PPP2CA: variants seen among roughly 807,000 people sequenced by gnomAD.
PPP2CA encodes the protein protein phosphatase 2 catalytic subunit alpha.
In PPP2CA, 5 loss-of-function variants were observed where a neutral mutation model predicts 38.8. The observed-to-expected ratio is 0.13, with a 90% CI of 0.07 to 0.27. The LOEUF (loss-of-function observed/expected upper bound fraction) is 0.27. PPP2CA is among the 10% of genes least tolerant of loss of function. The pLI, the probability that PPP2CA is intolerant of heterozygous loss-of-function variation, is 1.00. For missense variants in PPP2CA, 88 were observed against 389.7 expected, an observed-to-expected ratio of 0.23 and a Z score of 6.52; for synonymous variants, 152 against 134.0, an observed-to-expected ratio of 1.13 and a Z score of -0.93.
rs1761823993 is a variant in PPP2CA at position 134,195,251 on chromosome 5, A to T, written c.*2521T>A. 1 of 152,218 alleles carries T rather than the reference A, an allele frequency of 6.6e-6. No homozygotes were observed. Among genetic ancestry groups the T allele is most frequent in the Non-Finnish European group, 1.5e-5 (1 of 68,048 alleles). 9.4% of individuals were successfully genotyped at this position (152,218 alleles called of 1,614,324 possible). A position where few individuals can be genotyped will look rare whatever the true frequency, so the allele number is the denominator to read the frequency against. ...CTGCAAGCCCTCACTATACAAACTC[A>T]GAATCCTCTTTATTTTTGAGACAGG... is the stretch of plus-strand genomic sequence containing the variant. On this transcript the variant is annotated 3_prime_UTR_variant, in exon 7 of 7. Transcript: ENST00000481195.
Position 134,225,963 on chromosome 5 carries a change from C to T in PPP2CA, c.-102G>A. The T allele has an allele frequency of 8.8e-7, 1 of 1,132,182 alleles. No homozygotes were observed. The allele number at this position is 1,132,182 out of a possible 1,614,324, so 70.1% of individuals were successfully genotyped here. On this transcript the variant is annotated 5_prime_UTR_variant, in exon 1 of 7. Coordinates refer to ENST00000481195, the MANE Select transcript of PPP2CA (RefSeq NM_002715.4). ...GCCGCCGCCGGTTCCTCGTGTACTT[C>T]TGGCGGCTGTTGAGGCTGGCGCTGG...
chr5:134,222,001 A>G (rs62379434), intron 1 of PPP2CA, among the ~76,000 whole-genome samples: 1 of 151,806 alleles, frequency 6.6e-6, no homozygotes, highest in Non-Finnish European at 1.5e-5. Context: ...TTATTTTATG[A>G]AAGTGTTGAC....
At chr5:134,224,237 C>A (rs10044929) in intron 1 of PPP2CA, 2 of 453,282 alleles carry the variant, frequency 4.4e-6, no homozygotes, top group Non-Finnish European at 8.8e-6. Flanking sequence ...CAATTTTAAA[C>A]CTTTAAAATA....
intron 1 of PPP2CA, among the ~76,000 whole-genome samples, chr5:134,209,237 A>C (rs1762147680): frequency 6.6e-6 from 1 of 151,718 alleles, no homozygotes; most frequent in South Asian, 2.1e-4. Flanking sequence ...TGGCGATAAC[A>C]GTGGTATACA....
At chr5:134,221,206 G>A (rs1374647627) in intron 1 of PPP2CA, among the ~76,000 whole-genome samples, 1 of 152,126 alleles carries the variant, frequency 6.6e-6, no homozygotes, top group Non-Finnish European at 1.5e-5. Flanking sequence ...CCGCCTCCCA[G>A]GTTCAAGCAA....
chr5:134,204,986 G>C (rs941069869), intron 2 of PPP2CA, among the ~76,000 whole-genome samples: 2 of 140,976 alleles, frequency 1.4e-5, no homozygotes, highest in African/African-American at 5.3e-5. Flanking sequence ...AAGTTAGAGT[G>C]TAGGGTGGCA....
rs1043501334 is a variant in PPP2CA at position 134,195,379 on chromosome 5, T to C, written c.*2393A>G. Reference sequence around the variant, plus strand: ...GATCCTCTCACCTCAGCCTCCCAAGTAGCTGGGACTATGGTATGCCACCAA... The same window carrying C: ...GATCCTCTCACCTCAGCCTCCCAAGCAGCTGGGACTATGGTATGCCACCAA... On this transcript the variant is annotated 3_prime_UTR_variant, in exon 7 of 7. Transcript: ENST00000481195. 5 of 152,190 alleles carry C rather than the reference T, an allele frequency of 3.3e-5. No individual in the cohort carries two copies. The highest frequency in any genetic ancestry group is 1.2e-4 in the African/African-American group (5 of 41,414). The allele number at this position is 152,190 out of a possible 1,614,324, so 9.4% of individuals were successfully genotyped here.
intron 1 of PPP2CA, among the ~76,000 whole-genome samples, chr5:134,216,357 C>T (rs1762319453): frequency 6.6e-6 from 1 of 151,078 alleles, no homozygotes; most frequent in Non-Finnish European, 1.5e-5. Context: ...GGCAACATGG[C>T]GAAACACCCC....
intron 4 of PPP2CA, 78 bp downstream of exon 4, chr5:134,200,907 C>T: frequency 8.7e-7 from 1 of 1,155,464 alleles, no homozygotes; most frequent in Non-Finnish European, 1.3e-6. Flanking sequence ...TGAGAGAATA[C>T]ATCTAATGAA....
chr5:134,213,490 A>T (rs1762251855), intron 1 of PPP2CA, among the ~76,000 whole-genome samples: 1 of 152,140 alleles, frequency 6.6e-6, no homozygotes, highest in Non-Finnish European at 1.5e-5. Flanking sequence ...TCTCTACAAA[A>T]AAATTAAAAT....
rs946549516 is a variant in PPP2CA at position 134,194,439 on chromosome 5, C to G, written c.*3333G>C. 1 of 152,162 alleles carries G rather than the reference C, an allele frequency of 6.6e-6. No individual in the cohort carries two copies. The highest frequency in any genetic ancestry group is 2.4e-5 in the African/African-American group (1 of 41,444). 9.4% of individuals were successfully genotyped at this position (152,162 alleles called of 1,614,324 possible). ...ACTATAGGTTACTAAACTATAGGCC[C>G]ATTTCTAAGAACACATTTATGGTTG... On this transcript the variant is annotated 3_prime_UTR_variant, in exon 7 of 7. Coordinates refer to ENST00000481195, the MANE Select transcript of PPP2CA (RefSeq NM_002715.4).
In PPP2CA at chr5:134,199,220, G is replaced by A; in HGVS notation, c.739-16C>T. The A allele has an allele frequency of 1.3e-6, 2 of 1,575,492 alleles. No homozygotes were observed. Among genetic ancestry groups the A allele is most frequent in the Non-Finnish European group, 8.7e-7 (1 of 1,146,116 alleles). ...AGTTATATCCCTGCAAGGAAAAGGAGACAAAAATCTTACTTTACTCCCTCA... is the reference window on the plus strand; with the variant it reads ...AGTTATATCCCTGCAAGGAAAAGGAAACAAAAATCTTACTTTACTCCCTCA... On this transcript the variant is annotated splice_polypyrimidine_tract_variant and intron_variant, in intron 5 of 6. Transcript: ENST00000481195.
intron 1 of PPP2CA, among the ~76,000 whole-genome samples, chr5:134,222,118 T>A (rs758351234): frequency 6.6e-6 from 1 of 152,134 alleles, no homozygotes; most frequent in African/African-American, 2.4e-5. Context: ...AGGCTTAGAA[T>A]CCACAAGCCT....
chr5:134,215,703 T>C (rs1210403526), intron 1 of PPP2CA, among the ~76,000 whole-genome samples: 1 of 152,220 alleles, frequency 6.6e-6, no homozygotes, highest in African/African-American at 2.4e-5. Flanking sequence ...CCTCCCAATC[T>C]GCTGGGATTA....
At chr5:134,198,938 C>T in intron 6 of PPP2CA, 148 bp downstream of exon 6, 1 of 637,046 alleles carries the variant, frequency 1.6e-6, no homozygotes. Flanking sequence ...AACCCCAACA[C>T]TCTAGGAGGC....
At chr5:134,211,412 T>G (rs1029081926) in intron 1 of PPP2CA, among the ~76,000 whole-genome samples, 22 of 151,928 alleles carry the variant, frequency 1.4e-4, no homozygotes, top group African/African-American at 5.3e-4. Context: ...TAACATGAAA[T>G]TACAAACAAA....
At chr5:134,200,962 AT>A in intron 4 of PPP2CA, 22 bp downstream of exon 4, 2 of 1,553,954 alleles carry the variant, frequency 1.3e-6, no homozygotes, top group South Asian at 1.1e-5. Context: ...TTCTGAAAGA[AT>A]TTTATCAAAT....
At chr5:134,225,613 G>A (rs547398654) in intron 1 of PPP2CA, 147 bp downstream of exon 1, 5 of 614,108 alleles carry the variant, frequency 8.1e-6, no homozygotes, top group African/African-American at 7.8e-5. Flanking sequence ...TCGTTAGGAA[G>A]CCGCCGCCGG....
chr5:134,225,913 C>A lies in PPP2CA; in HGVS notation c.-52G>T. 1 of 1,548,776 alleles carries A rather than the reference C, an allele frequency of 6.5e-7. No individual in the cohort carries two copies. Among genetic ancestry groups the A allele is most frequent in the Non-Finnish European group, 8.8e-7 (1 of 1,135,504 alleles). On this transcript the variant is annotated 5_prime_UTR_variant, in exon 1 of 7. Transcript: ENST00000481195. ...GCTCCGCGCTGCTCCCGCGCCGCCG[C>A]CCGCACACGGGCCTACACGCACACG...
Sources: gnomAD v4.1 joint callset for allele counts (sites outside exome capture counted in the v4.1 genomes callset) on GRCh38, gnomAD v4.1.1 for gene constraint, MANE v1.5 for transcripts, NCBI Gene and HGNC (gene_info 2026-07-23, HGNC 2026-07-21) for gene names.